The following UTP20 variants were observed in gnomAD, a reference collection of about 807,000 sequenced individuals.
UTP20 encodes the protein UTP20 small subunit processome component.
UTP20 carries 164 observed loss-of-function variants against 329.5 expected under a neutral mutation model. That is an observed-to-expected ratio of 0.50 (90% CI 0.44 to 0.57). The LOEUF is 0.57. UTP20 is among the 20% of genes least tolerant of loss of function. UTP20 has a pLI of 0.00. For missense variants in UTP20, 3,055 were observed against 3,284.2 expected (o/e 0.93, Z 1.71); for synonymous variants, 1,151 against 1,159.3 (o/e 0.99, Z 0.14).
intron 27 of UTP20, 109 bp downstream of exon 27, chr12:101,329,558 T>C (rs1868685535): frequency 1.7e-6 from 2 of 1,150,742 alleles, no homozygotes; most frequent in East Asian, 5.1e-5. Context: ...TCATTTCAAG[T>C]TTGATCCCAG....
At chr12:101,367,801 A>G in intron 47 of UTP20, 59 bp from the exon 48 acceptor site, 1 of 1,002,676 alleles carries the variant, frequency 1.0e-6, no homozygotes, top group Non-Finnish European at 1.6e-6. Context: ...TTTCACATTT[A>G]CCTAACTCAT....
intron 27 of UTP20, 127 bp from the exon 28 acceptor site, chr12:101,333,174 G>T: frequency 1.1e-6 from 1 of 888,364 alleles, no homozygotes; most frequent in Non-Finnish European, 1.7e-6. Context: ...TGTAAATCAA[G>T]TCAACAGATT....
intron 36 of UTP20, among the ~76,000 whole-genome samples, chr12:101,345,028 C>T (rs1321891919): frequency 6.7e-6 from 1 of 149,680 alleles, no homozygotes; most frequent in Non-Finnish European, 1.5e-5. Flanking sequence ...TCACTGCAAC[C>T]TCCGCCTCCC....
intron 2 of UTP20, among the ~76,000 whole-genome samples, chr12:101,281,416 T>C (rs1318552057): frequency 6.6e-6 from 1 of 152,198 alleles, no homozygotes; most frequent in Non-Finnish European, 1.5e-5. Flanking sequence ...TGAATAAATA[T>C]AGAATTGGAA....
chr12:101,362,019 C>G lies in UTP20; in HGVS notation c.5749C>G (p.Gln1917Glu). The G allele has an allele frequency of 3.7e-6, 6 of 1,613,508 alleles. No individual in the cohort carries two copies. Among genetic ancestry groups the G allele is most frequent in the Non-Finnish European group, 5.1e-6 (6 of 1,179,646 alleles). ...GCTGCAAGGCCTCACCAATAAGCTG[C>G]AGGTCGGAGATTTGGACTCTTGTTT... ...MLLQGLTNKL[Q>E]VGDLDSCLDI... The change falls in exon 44 of 62, where the codon CAG becomes GAG. Residue 1917 changes from glutamine (Q) to glutamate (E), a missense_variant. By Grantham distance (29) the Gln-to-Glu change is conservative. Around this residue, in one of 3 missense-constraint regions of UTP20, gnomAD observed 2,445 missense variants for 2,575.5 expected, o/e 0.95. Transcript: ENST00000261637.
At chr12:101,357,445 T>C (rs997340272) in intron 43 of UTP20, among the ~76,000 whole-genome samples, 1 of 152,158 alleles carries the variant, frequency 6.6e-6, no homozygotes, top group Non-Finnish European at 1.5e-5. Flanking sequence ...AGTTGGAATA[T>C]AAAATGTAAA....
intron 1 of UTP20, 100 bp from the exon 2 acceptor site, chr12:101,281,014 ATC>A: frequency 1.0e-6 from 1 of 957,118 alleles, no homozygotes; most frequent in South Asian, 1.8e-5. Flanking sequence ...TTTTCCACTT[ATC>A]CTTTGTGATT....
chr12:101,290,942 G>C, intron 8 of UTP20, 54 bp downstream of exon 8: 1 of 1,550,258 alleles, frequency 6.5e-7, no homozygotes, highest in Non-Finnish European at 8.7e-7. Flanking sequence ...AGAATTTACT[G>C]TTTCTGCTCT....
intron 25 of UTP20, among the ~76,000 whole-genome samples, chr12:101,326,355 G>A (rs948335554): frequency 6.6e-6 from 1 of 152,090 alleles, no homozygotes; most frequent in Non-Finnish European, 1.5e-5. Context: ...ATTAATAAAT[G>A]AGAAAAGACT....
chr12:101,329,842 A>G (rs915160635), intron 27 of UTP20, among the ~76,000 whole-genome samples: 8 of 151,996 alleles, frequency 5.3e-5, no homozygotes, highest in Admixed American at 3.9e-4. Context: ...CATTTATGCA[A>G]AAAAGTAAAA....
Position 101,383,062 on chromosome 12 carries a change from G to T in UTP20, c.7678G>T (p.Ala2560Ser). Residue 2560 changes from alanine (A) to serine (S), a missense_variant, in exon 59 of 62, where the codon GCA becomes TCA. By Grantham distance (99) the Ala-to-Ser change is moderately conservative (BLOSUM62 1). Coordinates refer to ENST00000261637, the MANE Select transcript of UTP20 (RefSeq NM_014503.3). The stretch of plus-strand genomic sequence containing the variant: ...AAAGGTTGTTAAGAATTTGTTGTTC[G>T]CAGCCAAAGTCTTGTATTTACTGGA... ...GEQVVKNLLFAAKVLYLLELY... is the reference protein window; with the variant it reads ...GEQVVKNLLFSAKVLYLLELY... 6.9e-6 allele frequency: 11 copies of T among 1,590,474 alleles called. No individual in the cohort carries two copies. Among genetic ancestry groups the T allele is most frequent in the Non-Finnish European group, 9.4e-6 (11 of 1,172,016 alleles).
Position 101,317,597 on chromosome 12 carries a change from TGGA to T in UTP20, c.2676_2678del (p.Glu894del). 1 of 1,614,118 alleles carries T rather than the reference TGGA, an allele frequency of 6.2e-7. No individual in the cohort carries two copies. The highest frequency in any genetic ancestry group is 8.5e-7 in the Non-Finnish European group (1 of 1,180,008). On this transcript the variant is annotated inframe_deletion, in exon 22 of 62. Transcript: ENST00000261637. Reference sequence around the variant, plus strand: ...CCTGCCGCAGGAGATGATGAAGAGTTGGAGGAAGAGGCAGTGCCCCAAGATGAA... The same window carrying T: ...CCTGCCGCAGGAGATGATGAAGAGTTGGAAGAGGCAGTGCCCCAAGATGAA...
At position 101,311,723 on chromosome 12, in the gene UTP20, C is replaced by T. The variant is rs769437203; in HGVS notation, c.2236C>T (p.His746Tyr). The change falls in exon 20 of 62, where the codon CAT (histidine) becomes TAT (tyrosine). Residue 746 changes from histidine to tyrosine, a missense_variant. Coordinates refer to ENST00000261637, the MANE Select transcript of UTP20 (RefSeq NM_014503.3). ...GTGATTTTTTTTTTCCCTTAGTTCTCATGCACACGAAATGGAAAATAAGCA... is the reference window on the plus strand; with the variant it reads ...GTGATTTTTTTTTTCCCTTAGTTCTTATGCACACGAAATGGAAAATAAGCA... The part of the protein sequence containing the change: ...WDPVIELISS[H>Y]AHEMENKQFW... The T allele has an allele frequency of 1.0e-5, 16 of 1,607,872 alleles. No homozygotes were observed. In the South Asian group the frequency reaches 1.7e-4, roughly 17 times the overall value.
At chr12:101,360,965 A>G (rs551718434) in intron 43 of UTP20, among the ~76,000 whole-genome samples, 2 of 152,290 alleles carry the variant, frequency 1.3e-5, no homozygotes, top group Admixed American at 1.3e-4. Flanking sequence ...ACAGCACTAG[A>G]AGCAGCATAA....
chr12:101,374,101 G>A (rs1228111242), intron 54 of UTP20, among the ~76,000 whole-genome samples: 2 of 150,652 alleles, frequency 1.3e-5, no homozygotes, highest in African/African-American at 2.4e-5. Context: ...CGGGCGTAGT[G>A]GCGGGCGCCT....
intron 39 of UTP20, 126 bp from the exon 40 acceptor site, chr12:101,352,921 T>A: frequency 2.3e-6 from 1 of 443,880 alleles, no homozygotes; most frequent in Non-Finnish European, 3.9e-6. Flanking sequence ...TGCTAATACT[T>A]GTTAAAATTA....
rs1869962759 is a variant in UTP20 at position 101,362,539 on chromosome 12, A to AATT, written c.5790+480_5790+481insTTA. ...GCCAACATGGTGAAACCCCGTCTCTAAGAAAAATACAAAAACTAGCCAGGC... is the reference window on the plus strand; with the variant it reads ...GCCAACATGGTGAAACCCCGTCTCTAATTAGAAAAATACAAAAACTAGCCAGGC... On this transcript the variant is annotated intron_variant, in intron 44 of 61. Coordinates refer to ENST00000261637, the MANE Select transcript of UTP20 (RefSeq NM_014503.3). Among the ~76,000 whole-genome samples, 2 of 132,282 alleles carry AATT rather than the reference A, an allele frequency of 1.5e-5. 1 individual carries two copies. Among genetic ancestry groups the AATT allele is most frequent in the African/African-American group, 7.7e-5 (2 of 25,912 alleles). 86.8% of individuals were successfully genotyped at this position (132,282 alleles called of 152,430 possible).
At chr12:101,385,417 G>GT (rs1870791140) in intron 60 of UTP20, among the ~76,000 whole-genome samples, 166 bp from the exon 61 acceptor site, 1 of 152,158 alleles carries the variant, frequency 6.6e-6, no homozygotes, top group Admixed American at 6.6e-5. Context: ...TAATGTTGAA[G>GT]TAACAGTGAT....
At chr12:101,332,680 A>G (rs529704869) in intron 27 of UTP20, among the ~76,000 whole-genome samples, 2 of 152,282 alleles carry the variant, frequency 1.3e-5, no homozygotes, top group Middle Eastern at 3.4e-3. Context: ...TCTTTGAACT[A>G]TGTATGTTGA....
Sources: gnomAD v4.1 joint callset for allele counts (sites outside exome capture counted in the v4.1 genomes callset) on GRCh38, gnomAD v4.1.1 for gene constraint, gnomAD v4.1.1 regional missense constraint, MANE v1.5 for transcripts, NCBI Gene and HGNC (gene_info 2026-07-23, HGNC 2026-07-21) for gene names.